Variants in RIMS2 observed in about 807,000 individuals in gnomAD.
RIMS2 encodes the protein regulating synaptic membrane exocytosis 2.
A neutral mutation model predicts 174.4 loss-of-function variants in RIMS2; 59 were observed. The ratio of observed to expected loss-of-function variants is 0.34; its 90% CI spans 0.27 to 0.42. The LOEUF is 0.42. Ranked by LOEUF, RIMS2 falls within the 10% of genes least tolerant of loss-of-function variation. The pLI is 1.00. For synonymous variants in RIMS2, 606 were observed against 572.5 expected (o/e 1.06, Z -0.84); for missense variants, 1,620 against 1,666.3 (o/e 0.97, Z 0.48).
At position 103,999,286 on chromosome 8, in the gene RIMS2, A is replaced by G. The variant is rs1021146412; in HGVS notation, c.3044+9865A>G. On this transcript the variant is annotated intron_variant, in intron 17 of 23. Coordinates refer to ENST00000504942, the Ensembl canonical transcript of RIMS2. ...TATGTGGGTTAATGTGAAAGGAAAC[A>G]TAAGAGGTAATAGCAACAGTAATTT... Among the ~76,000 whole-genome samples, 3 of 151,796 alleles carry G rather than the reference A, an allele frequency of 2.0e-5. No homozygotes were observed. In the South Asian group the frequency reaches 6.2e-4, roughly 31 times the overall value.
chr8:103,715,654 G>T (rs903009621), intron 2 of RIMS2, among the ~76,000 whole-genome samples: 1 of 152,076 alleles, frequency 6.6e-6, no homozygotes, highest in Non-Finnish European at 1.5e-5. Context: ...ATCACCTTTT[G>T]ACCAAAATAT....
chr8:104,025,219 G>A (rs1256961687), intron 19 of RIMS2, among the ~76,000 whole-genome samples: 1 of 152,174 alleles, frequency 6.6e-6, no homozygotes, highest in African/African-American at 2.4e-5. Flanking sequence ...TAGGCCAGGT[G>A]CAGTGGCTCA....
chr8:103,821,780 A>G (rs1440308460), intron 3 of RIMS2, among the ~76,000 whole-genome samples: 1 of 151,784 alleles, frequency 6.6e-6, no homozygotes, highest in Middle Eastern at 3.5e-3. Flanking sequence ...AGTGGAAAGT[A>G]AAGACTTTCC....
At chr8:103,549,021 A>T (rs1157003858) in intron 1 of RIMS2, among the ~76,000 whole-genome samples, 2 of 152,154 alleles carry the variant, frequency 1.3e-5, no homozygotes, top group Non-Finnish European at 2.9e-5. Context: ...AATCAGAGAT[A>T]CCACAGACAA....
At chr8:103,976,414 A>G (rs1212675583) in intron 16 of RIMS2, 2 of 152,182 alleles carry the variant, frequency 1.3e-5, no homozygotes, top group Admixed American at 1.3e-4. Context: ...TCTAGGTAGA[A>G]CCAACTAATT....
intron 9 of RIMS2, among the ~76,000 whole-genome samples, chr8:103,919,954 G>A (rs1282680660): frequency 1.3e-5 from 2 of 152,054 alleles, no homozygotes; most frequent in African/African-American, 4.8e-5. Flanking sequence ...TGTGCTTGAT[G>A]TTGTACCTAT....
At chr8:103,839,114 C>A (rs537638520) in intron 3 of RIMS2, among the ~76,000 whole-genome samples, 1 of 152,252 alleles carries the variant, frequency 6.6e-6, no homozygotes, top group African/African-American at 2.4e-5. Flanking sequence ...AGTTTTCCTA[C>A]TTTATCCACT....
At chr8:103,918,628 T>A in intron 9 of RIMS2, 141 bp downstream of exon 12, 1 of 637,782 alleles carries the variant, frequency 1.6e-6, no homozygotes, top group South Asian at 2.1e-5. Context: ...GATGGAAAAT[T>A]TAGTATTATT....
chr8:104,163,557 C>A (rs1157674025), intron 19 of RIMS2, among the ~76,000 whole-genome samples: 1 of 152,122 alleles, frequency 6.6e-6, no homozygotes, highest in Non-Finnish European at 1.5e-5. Flanking sequence ...GATTTAAAAT[C>A]AACCGTGTAG....
At chr8:103,786,027 A>G (rs527278516) in intron 3 of RIMS2, among the ~76,000 whole-genome samples, 1 of 152,190 alleles carries the variant, frequency 6.6e-6, no homozygotes, top group Non-Finnish European at 1.5e-5. Context: ...GAATGTATCC[A>G]TTTCTTCTAG....
chr8:103,894,163 A>ATTCTGAATACCAAGTATGTCTATATGG (rs2099263981), intron 4 of RIMS2, among the ~76,000 whole-genome samples: 1 of 149,422 alleles, frequency 6.7e-6, no homozygotes, highest in African/African-American at 2.5e-5. Flanking sequence ...TAACTATTTT[A>ATTCTGAATACCAAGTATGTCTATATGG]AGAGAAACTT....
chr8:103,839,039 C>T (rs1033473914), intron 3 of RIMS2, among the ~76,000 whole-genome samples: 2 of 151,902 alleles, frequency 1.3e-5, no homozygotes, highest in Non-Finnish European at 2.9e-5. Flanking sequence ...CACTCCAGCC[C>T]GTGCGACAGG....
At chr8:103,512,603 G>C (rs561025444) in intron 1 of RIMS2, among the ~76,000 whole-genome samples, 1 of 151,916 alleles carries the variant, frequency 6.6e-6, no homozygotes, top group South Asian at 2.1e-4. Context: ...CATTTTGTTG[G>C]CCAAAGCAAA....
chr8:103,880,271 C>T (rs1216956050), intron 3 of RIMS2: 6 of 165,622 alleles, frequency 3.6e-5, no homozygotes, highest in Admixed American at 6.4e-5. Context: ...CAGTTTTAAG[C>T]GTAGTGCCCA....
At chr8:104,066,871 C>A (rs753111367) in intron 19 of RIMS2, among the ~76,000 whole-genome samples, 11 of 151,906 alleles carry the variant, frequency 7.2e-5, no homozygotes, top group Non-Finnish European at 2.9e-5. Context: ...GTATATTTAT[C>A]TAAGATTTTC....
At chr8:103,794,948 A>G (rs892989864) in intron 3 of RIMS2, among the ~76,000 whole-genome samples, 17 of 152,228 alleles carry the variant, frequency 1.1e-4, no homozygotes, top group Non-Finnish European at 2.2e-4. Flanking sequence ...GGTGATGGAG[A>G]GGATGTGGAG....
chr8:103,918,452 G>T, exon 9 of RIMS2: 1 of 1,582,892 alleles, frequency 6.3e-7, no homozygotes, highest in Non-Finnish European at 8.6e-7. Flanking sequence ...GATATACCGC[G>T]AATACCTGAT....
intron 1 of RIMS2, among the ~76,000 whole-genome samples, chr8:103,578,166 A>G (rs1314586514): frequency 6.6e-6 from 1 of 152,240 alleles, no homozygotes; most frequent in Non-Finnish European, 1.5e-5. Flanking sequence ...GAGTACCCCA[A>G]GGCACATAAT....
At chr8:104,036,518 T>C (rs184369308) in intron 19 of RIMS2, among the ~76,000 whole-genome samples, 2 of 152,206 alleles carry the variant, frequency 1.3e-5, no homozygotes, top group African/African-American at 2.4e-5. Flanking sequence ...AAATGTATTA[T>C]ATGTTGGATT....
Sources: gnomAD v4.1 joint callset for allele counts (sites outside exome capture counted in the v4.1 genomes callset) on GRCh38, gnomAD v4.1.1 for gene constraint, MANE v1.5 for transcripts, NCBI Gene and HGNC (gene_info 2026-07-23, HGNC 2026-07-21) for gene names.